Variants in DTNB observed in about 807,000 individuals in gnomAD.
DTNB encodes DTN-B.
In DTNB, 63 loss-of-function variants were observed where a neutral mutation model predicts 90.7. That is an observed-to-expected ratio of 0.69 (90% CI 0.57 to 0.86). The LOEUF (loss-of-function observed/expected upper bound fraction) is 0.86, where lower values mean the gene tolerates loss of function less well. Among genes scored for constraint, DTNB ranks in the 40% least tolerant of loss-of-function variants. The pLI, the probability that DTNB is intolerant of heterozygous loss-of-function variation, is 0.00. For synonymous variants in DTNB, 277 were observed against 286.7 expected (o/e 0.97, Z 0.34); for missense variants, 744 against 807.1 (o/e 0.92, Z 0.95).
chr2:25,461,038 G>C (rs905733690), intron 10 of DTNB, among the ~76,000 whole-genome samples: 1 of 152,058 alleles, frequency 6.6e-6, no homozygotes, highest in Non-Finnish European at 1.5e-5. Context: ...TGAGCAGCTG[G>C]GACTACAGGT....
At chr2:25,526,395 A>ATTTTTTTTTTTTTT (rs1245672956) in intron 9 of DTNB, among the ~76,000 whole-genome samples, 1 of 49,858 alleles carries the variant, frequency 2.0e-5, no homozygotes, top group African/African-American at 9.8e-5. Flanking sequence ...ATATATATAT[A>ATTTTTTTTTTTTTT]TTTTTTTTTT....
intron 19 of DTNB, among the ~76,000 whole-genome samples, chr2:25,380,968 C>T (rs1198563711): frequency 6.6e-6 from 1 of 152,252 alleles, no homozygotes; most frequent in Non-Finnish European, 1.5e-5. Context: ...GGCCCACACT[C>T]AGACTCGAAC....
chr2:25,603,929 G>C (rs1476022759), intron 5 of DTNB, among the ~76,000 whole-genome samples: 1 of 152,150 alleles, frequency 6.6e-6, no homozygotes, highest in Non-Finnish European at 1.5e-5. Context: ...CTGAGAACCA[G>C]AAAACAAGGA....
chr2:25,583,517 TTTG>T lies in DTNB; in HGVS notation c.604-2694_604-2692del, dbSNP rs907256555. On this transcript the variant is annotated intron_variant, in intron 6 of 20. Transcript: ENST00000406818. The stretch of plus-strand genomic sequence containing the variant: ...TACCATGGAGTTTTTGTGTTTTTTT[TTTG>T]TTGTTGTTGTTTTTTGAGACAGAGT... Among the ~76,000 whole-genome samples the T allele has an allele frequency of 5.3e-5, 8 of 151,980 alleles. No individual in the cohort carries two copies. In the East Asian group the frequency reaches 9.7e-4, roughly 18 times the overall value.
intron 16 of DTNB, among the ~76,000 whole-genome samples, chr2:25,408,980 C>T (rs922252137): frequency 1.3e-5 from 2 of 152,166 alleles, no homozygotes; most frequent in Non-Finnish European, 2.9e-5. Context: ...AGGAAGAATG[C>T]CAGGGAAACC....
intron 8 of DTNB, among the ~76,000 whole-genome samples, chr2:25,550,115 G>C (rs776900895): frequency 1.0e-3 from 155 of 152,248 alleles, no homozygotes; most frequent in Non-Finnish European, 1.8e-3. Context: ...TTGTTGGCCG[G>C]GCGCGGTGGC....
At chr2:25,419,211 C>T (rs1207392592) in intron 16 of DTNB, 2 of 508,714 alleles carry the variant, frequency 3.9e-6, no homozygotes, top group South Asian at 2.5e-5. Context: ...TCCAGACACA[C>T]AACAACAGAG....
chr2:25,614,043 A>G, intron 4 of DTNB, among the ~76,000 whole-genome samples: 1 of 152,200 alleles, frequency 6.6e-6, no homozygotes, highest in Non-Finnish European at 1.5e-5. Flanking sequence ...TATGAAAACC[A>G]ATCAATATAA....
chr2:25,418,439 G>A (rs979294301), intron 16 of DTNB, among the ~76,000 whole-genome samples: 6 of 152,162 alleles, frequency 3.9e-5, no homozygotes, highest in Non-Finnish European at 8.8e-5. Flanking sequence ...GGTGGCTCAC[G>A]CCTGTAATCC....
chr2:25,383,264 G>C (rs992685074), intron 19 of DTNB, among the ~76,000 whole-genome samples: 19 of 149,230 alleles, frequency 1.3e-4, no homozygotes, highest in Non-Finnish European at 2.4e-4. Flanking sequence ...TGCCCAGGAC[G>C]GAGTGCAGTG....
In DTNB at chr2:25,639,403, G is replaced by A. The variant is rs567385554; in HGVS notation, c.68-309C>T. 2.4e-5 allele frequency: 5 copies of A among 205,332 alleles called. No individual in the cohort carries two copies. In the East Asian group the frequency reaches 4.3e-4, roughly 18 times the overall value. 12.7% of individuals were successfully genotyped at this position (205,332 alleles called of 1,614,324 possible). On this transcript the variant is annotated intron_variant, in intron 2 of 20. Transcript: ENST00000406818. ...TAGGAAAGGGGAGTAGGGCAGCATC[G>A]TGAGAAAGACCCAAGCCTAGAGTCA...
chr2:25,494,691 A>C (rs1053968596), intron 9 of DTNB, among the ~76,000 whole-genome samples: 1 of 152,172 alleles, frequency 6.6e-6, no homozygotes, highest in Non-Finnish European at 1.5e-5. Context: ...TTAGGAAGAA[A>C]GAGTTTCTGC....
chr2:25,539,577 C>CTTT (rs376900916), intron 8 of DTNB, among the ~76,000 whole-genome samples: 9 of 123,336 alleles, frequency 7.3e-5, no homozygotes, highest in Admixed American at 1.6e-4. Flanking sequence ...ACTGGATTGC[C>CTTT]TTTTTTTTTT....
At chr2:25,651,364 T>A (rs2080901406) in intron 2 of DTNB, among the ~76,000 whole-genome samples, 1 of 152,256 alleles carries the variant, frequency 6.6e-6, no homozygotes. Flanking sequence ...GCAGTCTAAC[T>A]GCAAAGCTGG....
At chr2:25,584,297 T>C (rs750935375) in intron 6 of DTNB, among the ~76,000 whole-genome samples, 46 of 152,268 alleles carry the variant, frequency 3.0e-4, no homozygotes, top group Non-Finnish European at 6.5e-4. Context: ...CCCAACTATA[T>C]AGCTGTCCGG....
chr2:25,461,819 A>G (rs1201710806), intron 10 of DTNB, among the ~76,000 whole-genome samples: 3 of 152,240 alleles, frequency 2.0e-5, no homozygotes, highest in Non-Finnish European at 4.4e-5. Context: ...GAGCGGGGAC[A>G]CTGTCCTCCT....
chr2:25,388,520 C>T (rs2040173451), intron 16 of DTNB, 159 bp from the exon 17 acceptor site: 10 of 1,005,268 alleles, frequency 9.9e-6, no homozygotes, highest in Non-Finnish European at 1.3e-5. Context: ...GCTTCCAAGA[C>T]TGGAGAGAGG....
Position 25,486,499 on chromosome 2 carries a change from T to C in DTNB, c.1002-3626A>G, listed in dbSNP as rs1294195105. Among the ~76,000 whole-genome samples the C allele has an allele frequency of 3.3e-5, 5 of 151,812 alleles. No individual in the cohort carries two copies. In the South Asian group the frequency reaches 8.3e-4, roughly 25 times the overall value. ...AAAAATAAAAATGAGTCTGGCATGGTTGCACGTGCTGTAGTCCTAGCTACT... is the reference window on the plus strand; with the variant it reads ...AAAAATAAAAATGAGTCTGGCATGGCTGCACGTGCTGTAGTCCTAGCTACT... On this transcript the variant is annotated intron_variant, in intron 9 of 20. Coordinates refer to ENST00000406818, the MANE Select transcript of DTNB (RefSeq NM_021907.5).
chr2:25,619,645 T>TA (rs1432597051), intron 4 of DTNB, among the ~76,000 whole-genome samples: 16 of 152,192 alleles, frequency 1.1e-4, no homozygotes, highest in African/African-American at 3.9e-4. Flanking sequence ...TTTACAACCT[T>TA]ATGTAATTAA....
Sources: allele counts gnomAD v4.1 joint callset (sites outside exome capture counted in the v4.1 genomes callset), GRCh38; gene constraint gnomAD v4.1.1; transcripts MANE v1.5; gene names NCBI Gene and HGNC (gene_info 2026-07-23, HGNC 2026-07-21).